The following PALM2AKAP2 variants were observed in gnomAD, a reference collection of about 807,000 sequenced individuals.
The protein encoded by PALM2AKAP2 is PALM2 and AKAP2 fusion, also known as PALM2-AKAP2 fusion protein.
In PALM2AKAP2, 37 loss-of-function variants were observed where a neutral mutation model predicts 71.5. The observed-to-expected ratio is 0.52, with a 90% CI of 0.40 to 0.68. The LOEUF is 0.68. PALM2AKAP2 is among the 30% of genes least tolerant of loss of function. The pLI is 0.00. For synonymous variants in PALM2AKAP2, 468 were observed against 478.8 expected (o/e 0.98, Z 0.29); for missense variants, 1,224 against 1,191.8 (o/e 1.03, Z -0.40).
chr9:109,981,158 G>T (rs983657425), intron 6 of PALM2AKAP2, among the ~76,000 whole-genome samples: 4 of 152,180 alleles, frequency 2.6e-5, no homozygotes, highest in African/African-American at 9.7e-5. Context: ...ACAGTAAAAA[G>T]TGGACTGACC....
chr9:109,928,342 G>A (rs1229286639), intron 5 of PALM2AKAP2, among the ~76,000 whole-genome samples: 1 of 152,190 alleles, frequency 6.6e-6, no homozygotes, highest in Non-Finnish European at 1.5e-5. Flanking sequence ...CATAGCTACT[G>A]TAAATATTTC....
At chr9:109,687,535 G>T (rs1827822225) in intron 1 of PALM2AKAP2, among the ~76,000 whole-genome samples, 1 of 152,164 alleles carries the variant, frequency 6.6e-6, no homozygotes. Flanking sequence ...TTTTCCTGCA[G>T]CTTCCTCACC....
At chr9:110,128,838 G>A (rs1173607147) in intron 1 of PALM2AKAP2, among the ~76,000 whole-genome samples, 1 of 152,240 alleles carries the variant, frequency 6.6e-6, no homozygotes, top group Admixed American at 6.5e-5. Flanking sequence ...CTTCCTTAAA[G>A]TTATTTCTGT....
chr9:109,897,850 C>G (rs894533534), intron 3 of PALM2AKAP2, among the ~76,000 whole-genome samples: 2 of 152,158 alleles, frequency 1.3e-5, no homozygotes, highest in Non-Finnish European at 2.9e-5. Context: ...TTTTGTGTCT[C>G]ATATTGTTCA....
chr9:109,644,305 C>T (rs1564099620), intron 1 of PALM2AKAP2, among the ~76,000 whole-genome samples: 1 of 152,086 alleles, frequency 6.6e-6, no homozygotes, highest in Non-Finnish European at 1.5e-5. Context: ...TCAATCTAAA[C>T]ACTCCCCAGA....
chr9:109,707,287 T>A (rs950962584), intron 1 of PALM2AKAP2, among the ~76,000 whole-genome samples: 3 of 152,086 alleles, frequency 2.0e-5, no homozygotes, highest in African/African-American at 7.2e-5. Flanking sequence ...CACCACCATT[T>A]ATGAGTCTTG....
chr9:109,772,635 C>T (rs969809506), intron 1 of PALM2AKAP2, among the ~76,000 whole-genome samples: 1 of 152,184 alleles, frequency 6.6e-6, no homozygotes, highest in African/African-American at 2.4e-5. Flanking sequence ...CTTCAAACCC[C>T]ATGAAGGGGA....
intron 1 of PALM2AKAP2, among the ~76,000 whole-genome samples, chr9:110,100,232 G>T (rs1834964520): frequency 1.3e-5 from 2 of 151,920 alleles, no homozygotes; most frequent in Admixed American, 1.3e-4. Flanking sequence ...GTATTATTGG[G>T]CTTAGGAAAA....
intron 1 of PALM2AKAP2, among the ~76,000 whole-genome samples, chr9:109,813,531 C>T (rs545262845): frequency 2.0e-5 from 3 of 152,126 alleles, no homozygotes; most frequent in African/African-American, 7.2e-5. Context: ...TTTCTGCCCT[C>T]CCTTTAAGGA....
intron 1 of PALM2AKAP2, among the ~76,000 whole-genome samples, chr9:109,642,142 A>T (rs143188630): frequency 4.5e-4 from 68 of 152,214 alleles, no homozygotes; most frequent in African/African-American, 1.6e-3. Context: ...GTAAATTGTA[A>T]GATATGTACA....
intron 7 of PALM2AKAP2, among the ~76,000 whole-genome samples, chr9:110,026,454 A>AT (rs1342206248): frequency 6.6e-6 from 1 of 151,936 alleles, no homozygotes; most frequent in Non-Finnish European, 1.5e-5. Context: ...AATCAATGCT[A>AT]TTTTTTATTG....
chr9:109,679,804 A>G (rs1481067864), intron 1 of PALM2AKAP2, among the ~76,000 whole-genome samples: 5 of 152,158 alleles, frequency 3.3e-5, no homozygotes, highest in African/African-American at 7.2e-5. Context: ...TGATTATTAG[A>G]CTATCTTATT....
chr9:109,687,354 G>A (rs78630279), intron 1 of PALM2AKAP2, among the ~76,000 whole-genome samples: 8,609 of 152,302 alleles, frequency 0.057, 328 homozygotes, highest in Middle Eastern at 0.13. Flanking sequence ...TCCTTATAGT[G>A]AAAATCTGTT....
chr9:109,727,372 A>G (rs1303915691), intron 1 of PALM2AKAP2, among the ~76,000 whole-genome samples: 1 of 152,260 alleles, frequency 6.6e-6, no homozygotes, highest in African/African-American at 2.4e-5. Context: ...GATTCAAGCC[A>G]TCTGACTTTG....
chr9:110,152,895 G>C (rs1334388193), intron 2 of PALM2AKAP2, among the ~76,000 whole-genome samples: 1 of 152,178 alleles, frequency 6.6e-6, no homozygotes, highest in East Asian at 1.9e-4. Context: ...AGCTTCCCTT[G>C]ATACTGACCA....
At chr9:109,712,657 G>A (rs1828259618) in intron 1 of PALM2AKAP2, among the ~76,000 whole-genome samples, 1 of 152,182 alleles carries the variant, frequency 6.6e-6, no homozygotes, top group African/African-American at 2.4e-5. Flanking sequence ...CTTTTTCTTT[G>A]GAAGTTTAGG....
At chr9:110,046,761 C>T (rs1453331428), upstream of PALM2AKAP2, among the ~76,000 whole-genome samples, 1 of 152,192 alleles carries the variant, frequency 6.6e-6, no homozygotes, top group Non-Finnish European at 1.5e-5. Context: ...AGCCACTTCA[C>T]CCGGCCTTGC....
At chr9:109,716,597 C>T (rs185513919) in intron 1 of PALM2AKAP2, among the ~76,000 whole-genome samples, 1 of 152,276 alleles carries the variant, frequency 6.6e-6, no homozygotes, top group East Asian at 1.9e-4. Context: ...AAAGACTCCT[C>T]CTTCCAAGGA....
In PALM2AKAP2 at chr9:109,648,120, C is replaced by T. The variant is rs558417955; in HGVS notation, c.5+7254C>T. On this transcript the variant is annotated intron_variant, in intron 1 of 6. Transcript: ENST00000374531. ...AGTTTAAAAGTGGCAGTTTCCCCTGCTCTTTCTCTCTGTCCTGCTGCCATG... is the reference window on the plus strand; with the variant it reads ...AGTTTAAAAGTGGCAGTTTCCCCTGTTCTTTCTCTCTGTCCTGCTGCCATG... Among the ~76,000 whole-genome samples, 6 of 152,332 alleles carry T rather than the reference C, an allele frequency of 3.9e-5. No homozygotes were observed. In the East Asian group the frequency reaches 1.2e-3, roughly 29 times the overall value.
Sources: allele counts gnomAD v4.1 joint callset (sites outside exome capture counted in the v4.1 genomes callset), GRCh38; gene constraint gnomAD v4.1.1; transcripts MANE v1.5; gene names NCBI Gene and HGNC (gene_info 2026-07-23, HGNC 2026-07-21).